NTM: variants seen among roughly 807,000 people sequenced by gnomAD.
NTM encodes neurotrimin, also known as IgLON family member 2.
A neutral mutation model predicts 42.1 loss-of-function variants in NTM; 13 were observed. The ratio of observed to expected loss-of-function variants is 0.31; its 90% confidence interval spans 0.20 to 0.49. The LOEUF is 0.49. Among genes scored for constraint, NTM ranks in the 20% least tolerant of loss-of-function variants. The probability of loss-of-function intolerance (pLI) is 0.99; values close to 1 mark genes in which losing one functional copy is unlikely to be tolerated. For synonymous variants in NTM, 187 were observed against 179.2 expected, an observed-to-expected ratio of 1.04 and a Z score of -0.35; for missense variants, 373 against 452.8, an observed-to-expected ratio of 0.82 and a Z score of 1.60.
rs569493087 is a variant in NTM, at chr11:132,006,183, T to C, written c.167+94535T>C. Among the ~76,000 whole-genome samples the C allele has an allele frequency of 4.6e-5, 7 of 152,298 alleles. 1 individual carries two copies. Among genetic ancestry groups the C allele is most frequent in the African/African-American group, 1.7e-4 (7 of 41,572 alleles). The stretch of plus-strand genomic sequence containing the variant: ...GGATGTGTAGGAGTTGACAGAAATC[T>C]ACCTTGTAATCTTTCCATGGCTTGA... On this transcript the variant is annotated intron_variant, in intron 2 of 8. Transcript: ENST00000683400.
At position 131,988,421 on chromosome 11, in the gene NTM, A is replaced by G. The variant is rs1336031999; in HGVS notation, c.167+76773A>G. ...AGAGGAATTGGTGGTCTGATCTGGC[A>G]TCCTGGGGACACTGCATTGCTCTCT... is the stretch of plus-strand genomic sequence containing the variant. On this transcript the variant is annotated intron_variant, in intron 2 of 8. Coordinates refer to ENST00000683400, the MANE Select transcript of NTM (RefSeq NM_001352005.2). Among the ~76,000 whole-genome samples the G allele has an allele frequency of 1.4e-4, 22 of 152,318 alleles. No homozygotes were observed. The South Asian group carries it at 4.6e-3, about 32-fold the overall frequency.
chr11:131,807,931 A>C (rs1464049176), intron 1 of NTM, among the ~76,000 whole-genome samples: 1 of 152,232 alleles, frequency 6.6e-6, no homozygotes, highest in Non-Finnish European at 1.5e-5. Flanking sequence ...AGTGACTATC[A>C]CTTTCAATGT....
At chr11:132,316,258 A>G (rs2095427829) in intron 7 of NTM, among the ~76,000 whole-genome samples, 1 of 152,168 alleles carries the variant, frequency 6.6e-6, no homozygotes, top group Non-Finnish European at 1.5e-5. Context: ...AGCAGCAAAC[A>G]AACAGTTCTC....
intron 1 of NTM, among the ~76,000 whole-genome samples, chr11:131,779,840 T>G (rs187473649): frequency 1.1e-4 from 17 of 152,178 alleles, no homozygotes; most frequent in Admixed American, 2.6e-4. Context: ...GTAAGAATGG[T>G]GAAAAGGATG....
rs1322666146 is a variant in NTM, at chr11:131,598,710, TC to T, written c.82+227823del. Among the ~76,000 whole-genome samples the T allele has an allele frequency of 5.8e-4, 48 of 83,312 alleles. 1 individual carries two copies. The highest frequency in any genetic ancestry group is 1.9e-3 in the African/African-American group (45 of 24,044). 54.7% of individuals were successfully genotyped at this position (83,312 alleles called of 152,430 possible). On this transcript the variant is annotated intron_variant, in intron 1 of 8. Transcript: ENST00000683400. Reference sequence around the variant, plus strand: ...TTCTTTCTTTCTTTCTTTCTTTCTTTCTTTCTTTCTTTCTTTCTTTCTTTCT... The same window carrying T: ...TTCTTTCTTTCTTTCTTTCTTTCTTTTTTCTTTCTTTCTTTCTTTCTTTCT...
At chr11:131,402,780 T>G (rs1041443290) in intron 1 of NTM, among the ~76,000 whole-genome samples, 2 of 152,206 alleles carry the variant, frequency 1.3e-5, no homozygotes, top group African/African-American at 2.4e-5. Flanking sequence ...TTACCAGAAC[T>G]CTTATTAGAA....
chr11:131,621,011 A>G (rs1164235257), intron 1 of NTM, among the ~76,000 whole-genome samples: 1 of 152,246 alleles, frequency 6.6e-6, no homozygotes, highest in Non-Finnish European at 1.5e-5. Flanking sequence ...TGATGCTGCC[A>G]GACACAAAGC....
chr11:131,702,485 G>A (rs2076175338), intron 1 of NTM, among the ~76,000 whole-genome samples: 1 of 152,172 alleles, frequency 6.6e-6, no homozygotes, highest in Non-Finnish European at 1.5e-5. Context: ...ACAACGAGCA[G>A]GTGGTGGTAT....
At chr11:132,252,144 C>T (rs866092074) in intron 4 of NTM, among the ~76,000 whole-genome samples, 2 of 151,368 alleles carry the variant, frequency 1.3e-5, no homozygotes, top group Non-Finnish European at 2.9e-5. Flanking sequence ...GGCCGCTCAG[C>T]GTCAGTTCTA....
chr11:132,220,478 C>T (rs1592309701), intron 4 of NTM, among the ~76,000 whole-genome samples: 2 of 152,090 alleles, frequency 1.3e-5, no homozygotes, highest in East Asian at 1.9e-4. Context: ...TGTGTAACTT[C>T]CTACTTCAAA....
chr11:131,828,618 T>C (rs542724454), intron 1 of NTM, among the ~76,000 whole-genome samples: 6 of 152,204 alleles, frequency 3.9e-5, no homozygotes, highest in Admixed American at 3.3e-4. Flanking sequence ...TTAACCATCA[T>C]TGCCAACATC....
At chr11:131,779,275 C>T (rs2087623304) in intron 1 of NTM, among the ~76,000 whole-genome samples, 2 of 152,154 alleles carry the variant, frequency 1.3e-5, no homozygotes, top group Non-Finnish European at 2.9e-5. Flanking sequence ...AGATTTAGAG[C>T]AGAGAACTCA....
At chr11:132,107,339 C>CTTTTTTT (rs780844735) in intron 2 of NTM, among the ~76,000 whole-genome samples, 5 of 88,866 alleles carry the variant, frequency 5.6e-5, no homozygotes, top group African/African-American at 2.5e-4. Context: ...AAGATTTATC[C>CTTTTTTT]TTTTTTTTTT....
At chr11:132,252,112 C>T (rs1255833556) in intron 4 of NTM, among the ~76,000 whole-genome samples, 2 of 152,166 alleles carry the variant, frequency 1.3e-5, no homozygotes, top group African/African-American at 4.8e-5. Flanking sequence ...CTCTCCTTTT[C>T]CCTCCCCTCT....
At chr11:131,893,799 C>T (rs1260199675) in intron 1 of NTM, among the ~76,000 whole-genome samples, 1 of 152,160 alleles carries the variant, frequency 6.6e-6, no homozygotes, top group Admixed American at 6.5e-5. Context: ...TGGTCTCCAT[C>T]ATGCTCGGCA....
chr11:132,111,671 A>G (rs895495205), intron 2 of NTM, among the ~76,000 whole-genome samples: 1 of 152,244 alleles, frequency 6.6e-6, no homozygotes, highest in Non-Finnish European at 1.5e-5. Flanking sequence ...CCTCCTGAAA[A>G]CAGTTGTAGA....
intron 5 of NTM, 78 bp downstream of exon 5, chr11:132,307,901 G>C: frequency 7.1e-7 from 1 of 1,403,722 alleles, no homozygotes; most frequent in Non-Finnish European, 9.9e-7. Context: ...AGAGCCCATT[G>C]GCACAGCCAG....
intron 2 of NTM, among the ~76,000 whole-genome samples, chr11:131,963,544 A>G (rs1252146915): frequency 6.6e-6 from 1 of 152,226 alleles, no homozygotes; most frequent in South Asian, 2.1e-4. Flanking sequence ...CATGGAGAAT[A>G]TCTCCTGTGA....
chr11:131,486,207 G>A (rs950961850), intron 1 of NTM, among the ~76,000 whole-genome samples: 4 of 152,098 alleles, frequency 2.6e-5, no homozygotes, highest in Non-Finnish European at 2.9e-5. Context: ...AGACAAACAC[G>A]GGACTCTATT....
Sources: gnomAD v4.1 joint callset for allele counts (sites outside exome capture counted in the v4.1 genomes callset) on GRCh38, gnomAD v4.1.1 for gene constraint, MANE v1.5 for transcripts, NCBI Gene and HGNC (gene_info 2026-07-23, HGNC 2026-07-21) for gene names.